RPAP3: variants seen among roughly 807,000 people sequenced by gnomAD.
RPAP3 encodes the protein RNA polymerase II associated protein 3, also known as RNA polymerase II-associated protein 3.
A neutral mutation model predicts 88.8 loss-of-function variants in RPAP3; 58 were observed. That is an observed-to-expected ratio of 0.65 (90% CI 0.53 to 0.81). The LOEUF (loss-of-function observed/expected upper bound fraction) is 0.81, where lower values mean the gene tolerates loss of function less well. RPAP3 is among the 40% of genes least tolerant of loss of function. The pLI, the probability that RPAP3 is intolerant of heterozygous loss-of-function variation, is 0.00. For missense variants in RPAP3, 751 were observed against 764.3 expected (o/e 0.98, Z 0.20); for synonymous variants, 255 against 259.9 (o/e 0.98, Z 0.18).
chr12:47,701,720 AGTGTTTAAAAAG>A (rs1939658160), intron 2 of RPAP3, 116 bp from the exon 3 acceptor site: 1 of 861,036 alleles, frequency 1.2e-6, no homozygotes, highest in African/African-American at 1.8e-5. Context: ...TTAATTTTAA[AGTGTTTAAAAAG>A]ACCAATTTAC....
intron 12 of RPAP3, among the ~76,000 whole-genome samples, chr12:47,671,790 C>T (rs1007023371): frequency 5.3e-5 from 8 of 150,194 alleles, no homozygotes; most frequent in Admixed American, 1.3e-4. Flanking sequence ...AGTGTAGACC[C>T]GGGGTACTGA....
At chr12:47,697,762 TAGGAAAAAAA>T in intron 3 of RPAP3, 43 bp from the exon 4 acceptor site, 1 of 1,538,024 alleles carries the variant, frequency 6.5e-7, no homozygotes, top group African/African-American at 1.4e-5. Context: ...ATTATATGAT[TAGGAAAAAAA>T]AGAAAAAAAG....
intron 12 of RPAP3, among the ~76,000 whole-genome samples, chr12:47,676,314 C>G (rs1456388750): frequency 6.6e-6 from 1 of 152,072 alleles, no homozygotes; most frequent in East Asian, 1.9e-4. Flanking sequence ...AAAATTGACA[C>G]CCTAACATCA....
intron 7 of RPAP3, among the ~76,000 whole-genome samples, chr12:47,688,296 C>G: frequency 6.6e-6 from 1 of 150,946 alleles, no homozygotes; most frequent in Non-Finnish European, 1.5e-5. Flanking sequence ...TGGACATAAA[C>G]AGAAACAACA....
intron 5 of RPAP3, among the ~76,000 whole-genome samples, chr12:47,693,352 G>A (rs1939464483): frequency 6.6e-6 from 1 of 152,058 alleles, no homozygotes; most frequent in Non-Finnish European, 1.5e-5. Flanking sequence ...AATTACAATA[G>A]AAACATCAAA....
intron 14 of RPAP3, among the ~76,000 whole-genome samples, chr12:47,668,406 A>G (rs1333532519): frequency 1.3e-5 from 2 of 152,234 alleles, no homozygotes; most frequent in African/African-American, 2.4e-5. Flanking sequence ...AGCAATAAAT[A>G]TAACTAGAGA....
chr12:47,695,460 G>A (rs1388863772), intron 5 of RPAP3, among the ~76,000 whole-genome samples: 2 of 151,998 alleles, frequency 1.3e-5, no homozygotes, highest in African/African-American at 2.4e-5. Flanking sequence ...TGGTTAACTG[G>A]GAGGGAGGCA....
At chr12:47,692,672 T>C (rs73300663) in intron 5 of RPAP3, among the ~76,000 whole-genome samples, 6,528 of 152,292 alleles carry the variant, frequency 0.043, 463 homozygotes, top group African/African-American at 0.14. Context: ...TTTGTGTTCA[T>C]TGGAGTAGCC....
intron 6 of RPAP3, among the ~76,000 whole-genome samples, chr12:47,690,032 ACT>A (rs1939398935): frequency 6.9e-6 from 1 of 144,262 alleles, no homozygotes; most frequent in South Asian, 2.2e-4. Context: ...AAAAAGCAAG[ACT>A]CTGTCTCAAA....
rs1375851967 is a variant in RPAP3, at chr12:47,672,371, C to CAGAGAA, written c.1288-2027_1288-2026insTTCTCT. On this transcript the variant is annotated intron_variant, in intron 12 of 16. Coordinates refer to ENST00000005386, the MANE Select transcript of RPAP3 (RefSeq NM_024604.3). ...TTTCCTTACCACTTTCTCTGGTGAC[C>CAGAGAA]AGGTGGTGTCACAAATACGTGACTA... Among the ~76,000 whole-genome samples, 5 of 152,298 alleles carry CAGAGAA rather than the reference C, an allele frequency of 3.3e-5. No individual in the cohort carries two copies. The East Asian group carries it at 9.6e-4, about 29-fold the overall frequency.
chr12:47,683,545 C>A (rs763846084), intron 9 of RPAP3, among the ~76,000 whole-genome samples: 61 of 152,248 alleles, frequency 4.0e-4, no homozygotes, highest in Admixed American at 8.5e-4. Flanking sequence ...GAAAACCCAA[C>A]AATTTTTCTA....
At chr12:47,696,072 G>C in intron 5 of RPAP3, 1 of 372,984 alleles carries the variant, frequency 2.7e-6, no homozygotes, top group Non-Finnish European at 4.7e-6. Flanking sequence ...TGAGCTATGG[G>C]AACAAGGTTT....
At chr12:47,675,182 C>G (rs1939085464) in intron 12 of RPAP3, among the ~76,000 whole-genome samples, 1 of 152,192 alleles carries the variant, frequency 6.6e-6, no homozygotes, top group Non-Finnish European at 1.5e-5. Context: ...AAATCCTTTA[C>G]AGACAAGCAA....
At chr12:47,674,908 T>C (rs1194952178) in intron 12 of RPAP3, among the ~76,000 whole-genome samples, 1 of 152,078 alleles carries the variant, frequency 6.6e-6, no homozygotes, top group Non-Finnish European at 1.5e-5. Context: ...GCCACAAAGA[T>C]ACTCCTCGAG....
chr12:47,689,274 C>T, intron 6 of RPAP3, 79 bp from the exon 7 acceptor site: 1 of 608,486 alleles, frequency 1.6e-6, no homozygotes, highest in Non-Finnish European at 2.8e-6. Context: ...CTTTTGTTGC[C>T]TGTGACAATC....
intron 12 of RPAP3, among the ~76,000 whole-genome samples, chr12:47,678,072 C>T (rs1171219455): frequency 6.6e-6 from 1 of 152,254 alleles, no homozygotes; most frequent in East Asian, 1.9e-4. Context: ...TGGAACAGAA[C>T]AGAGGCCTCA....
intron 13 of RPAP3, 40 bp downstream of exon 13, chr12:47,670,067 C>G: frequency 1.6e-6 from 2 of 1,267,782 alleles, no homozygotes; most frequent in Non-Finnish European, 2.3e-6. Flanking sequence ...TGGAATTAAC[C>G]CATTCTGGAT....
At chr12:47,701,913 G>C (rs1939661198) in intron 2 of RPAP3, among the ~76,000 whole-genome samples, 1 of 152,112 alleles carries the variant, frequency 6.6e-6, no homozygotes, top group South Asian at 2.1e-4. Context: ...TTAGTACGAT[G>C]AACCAGCAGT....
Position 47,696,368 on chromosome 12 carries a change from T to C in RPAP3, c.453A>G (p.Glu151=). The change falls in exon 5 of 17, where the codon GAA becomes GAG. Residue 151 remains glutamate, a synonymous_variant. Coordinates refer to ENST00000005386, the MANE Select transcript of RPAP3 (RefSeq NM_024604.3). Reference sequence around the variant, plus strand: ...TGCCTTTTGTGTAGCAGTCAATTGCTTCATCATATTTTCCTTGTTTGAAGT... The same window carrying C: ...TGCCTTTTGTGTAGCAGTCAATTGCCTCATCATATTTTCCTTGTTTGAAGT... ...NKYFKQGKYD[E]AIDCYTKGMD... 1 of 1,595,392 alleles carries C rather than the reference T, an allele frequency of 6.3e-7. No homozygotes were observed. The highest frequency in any genetic ancestry group is 8.6e-7 in the Non-Finnish European group (1 of 1,169,398).
Sources: gnomAD v4.1 joint callset for allele counts (sites outside exome capture counted in the v4.1 genomes callset) on GRCh38, gnomAD v4.1.1 for gene constraint, MANE v1.5 for transcripts, NCBI Gene and HGNC (gene_info 2026-07-23, HGNC 2026-07-21) for gene names.